Variants in FBN3 observed in about 807,000 individuals in gnomAD.
FBN3 encodes the protein fibrillin 3.
In FBN3, 234 loss-of-function variants were observed where a neutral mutation model predicts 330.1. That is an observed-to-expected ratio of 0.71 (90% confidence interval 0.64 to 0.79). FBN3 has a LOEUF of 0.79. Among genes scored for constraint, FBN3 ranks in the 30% least tolerant of loss-of-function variants. FBN3 has a pLI of 0.00. For missense variants in FBN3, 3,606 were observed against 3,886.9 expected (o/e 0.93, Z 1.92); for synonymous variants, 1,458 against 1,517.3 (o/e 0.96, Z 0.91).
Position 8,085,545 on chromosome 19 carries a change from G to C in FBN3, c.6905C>G (p.Ala2302Gly), listed in dbSNP as rs754124652. 1 of 1,580,346 alleles carries C rather than the reference G, an allele frequency of 6.3e-7. No homozygotes were observed. Among genetic ancestry groups the C allele is most frequent in the Non-Finnish European group, 8.6e-7 (1 of 1,164,082 alleles). ...CHDIRQGPCF[A>G]EVLQTMCRSL... ...CCGGCACATGGTCTGCAGCACCTCG[G>C]CAAAGCAGGGCCCCTGCCGGATGTC... Residue 2302 changes from alanine (A) to glycine (G), a missense_variant, in exon 56 of 64, where the codon GCC becomes GGC. Ala to Gly is a moderately conservative substitution (Grantham distance 60, BLOSUM62 0). Coordinates refer to ENST00000600128, the MANE Select transcript of FBN3 (RefSeq NM_032447.5).
chr19:8,102,872 A>C lies in FBN3; in HGVS notation c.4941T>G (p.Asp1647Glu). The C allele has an allele frequency of 6.2e-7, 1 of 1,614,110 alleles. No individual in the cohort carries two copies. ...GCCGGAAGCAGACACTCTTCCTCATATCTGTAGTTGGCACAAAGGAGAAGA... is the reference window on the plus strand; with the variant it reads ...GCCGGAAGCAGACACTCTTCCTCATCTCTGTAGTTGGCACAAAGGAGAAGA... Reference protein sequence around the residue: ...LQVNGGNNCMDMRKSVCFRHY... With the variant: ...LQVNGGNNCMEMRKSVCFRHY... The change falls in exon 40 of 64, where the codon GAT becomes GAG. Residue 1647 changes from aspartate to glutamate, a missense_variant and splice_region_variant. Transcript: ENST00000600128.
At chr19:8,143,570 C>T (rs1353705186) in intron 6 of FBN3, among the ~76,000 whole-genome samples, 1 of 143,692 alleles carries the variant, frequency 7.0e-6, no homozygotes, top group Non-Finnish European at 1.5e-5. Flanking sequence ...GATCTTGGCT[C>T]ACTGCCTCCC....
At chr19:8,133,481 C>T (rs543470694) in intron 13 of FBN3, among the ~76,000 whole-genome samples, 21 of 151,146 alleles carry the variant, frequency 1.4e-4, no homozygotes, top group African/African-American at 3.9e-4. Context: ...GACAGAGTCT[C>T]GCTCTGTCGC....
chr19:8,103,723 C>T, intron 38 of FBN3, 36 bp from the exon 39 acceptor site: 3 of 1,601,654 alleles, frequency 1.9e-6, no homozygotes, highest in Non-Finnish European at 1.7e-6. Context: ...GAACAGTGGG[C>T]AGCGTCCAGG....
In FBN3 at chr19:8,138,550, CGCCGGCCCGGTAGTCT is replaced by C. The variant is rs1568454072; in HGVS notation, c.866-2_879del. ...CCCCCGAAAAGCACTGAGAAGCAGG[CGCCGGCCCGGTAGTCT>C]GCAAAAGATCAGAGGGTGAGCCCAT... On this transcript the variant is annotated splice_acceptor_variant and coding_sequence_variant, in exon 9 of 64. Coordinates refer to ENST00000600128, the MANE Select transcript of FBN3 (RefSeq NM_032447.5). LOFTEE classifies it high-confidence loss of function. 1 of 1,609,408 alleles carries C rather than the reference CGCCGGCCCGGTAGTCT, an allele frequency of 6.2e-7. No individual in the cohort carries two copies. The highest frequency in any genetic ancestry group is 2.2e-5 in the East Asian group (1 of 44,818).
At position 8,131,188 on chromosome 19, in the gene FBN3, G is replaced by C. The variant is rs756184952; in HGVS notation, c.2044+47C>G. On this transcript the variant is annotated intron_variant, in intron 16 of 63. Coordinates refer to ENST00000600128, the MANE Select transcript of FBN3 (RefSeq NM_032447.5). The surrounding 1 kb of genome is among the most constrained non-coding windows in gnomAD (Gnocchi z 4.5). ...TCCCACCACAGCTCTCCCCACATCT[G>C]GTAGGGGCAGGCTGGCTGCTGTTTG... 2 of 1,570,322 alleles carry C rather than the reference G, an allele frequency of 1.3e-6. No individual in the cohort carries two copies. The highest frequency in any genetic ancestry group is 1.7e-6 in the Non-Finnish European group (2 of 1,153,578).
chr19:8,145,980 G>A (rs1245566781), intron 4 of FBN3, 42 bp from the exon 5 acceptor site: 1 of 1,513,888 alleles, frequency 6.6e-7, no homozygotes, highest in Non-Finnish European at 9.0e-7. Context: ...GTGGAGATGG[G>A]CCCCGAGATG....
intron 6 of FBN3, among the ~76,000 whole-genome samples, chr19:8,142,711 C>T (rs1599449066): frequency 6.6e-6 from 1 of 152,002 alleles, no homozygotes; most frequent in East Asian, 1.9e-4. Context: ...AAGGAGTTAG[C>T]TCTCAAACAA....
At chr19:8,135,936 G>GGGGGGGGGCGCC in intron 13 of FBN3, 25 bp downstream of exon 13, 1 of 668,778 alleles carries the variant, frequency 1.5e-6, no homozygotes, top group Non-Finnish European at 2.4e-6. Context: ...GGAAGCCCCT[G>GGGGGGGGGCGCC]CCCACCCGCC....
At position 8,096,604 on chromosome 19, in the gene FBN3, C is replaced by T. The variant is rs74176273; in HGVS notation, c.5414-35G>A. On this transcript the variant is annotated intron_variant, in intron 43 of 63. Coordinates refer to ENST00000600128, the MANE Select transcript of FBN3 (RefSeq NM_032447.5). The surrounding 1 kb of genome is among the most constrained non-coding windows in gnomAD (Gnocchi z 4.6). ...CAGAGAGCATGGTGTTCCCAGGGCT[C>T]CTACCACAGTGTTTGCCTGAGCTCT... 1 of 1,579,556 alleles carries T rather than the reference C, an allele frequency of 6.3e-7. No homozygotes were observed. The highest frequency in any genetic ancestry group is 1.1e-5 in the South Asian group (1 of 87,212).
chr19:8,093,793 AAAC>A (rs149928962), intron 47 of FBN3, among the ~76,000 whole-genome samples: 59,114 of 151,750 alleles, frequency 0.39, 12,721 homozygotes, highest in East Asian at 0.73. Flanking sequence ...AAACAAAACA[AAAC>A]AACAACAAAA....
At chr19:8,093,786 CA>C (rs1177175934) in intron 47 of FBN3, among the ~76,000 whole-genome samples, 3 of 127,158 alleles carry the variant, frequency 2.4e-5, no homozygotes, top group Non-Finnish European at 5.2e-5. Context: ...AACAAACAAA[CA>C]AAACAAAACA....
chr19:8,128,988 A>ATG, intron 18 of FBN3, 40 bp downstream of exon 18: 1 of 1,587,736 alleles, frequency 6.3e-7, no homozygotes. Flanking sequence ...GTTGGAGCAT[A>ATG]TGTGTGTGTG....
In FBN3 at chr19:8,121,531, G is replaced by A. The variant is rs1360766470; in HGVS notation, c.3083-145C>T. The A allele has an allele frequency of 5.5e-6, 4 of 725,156 alleles. No individual in the cohort carries two copies. The highest frequency in any genetic ancestry group is 4.2e-4 in the Middle Eastern group (1 of 2,390). 44.9% of individuals were successfully genotyped at this position (725,156 alleles called of 1,614,324 possible). ...AAGGAGGCACAGGCCAAGAGGGGAGGCATGATGCAGGCATGATGGGGTGCC... is the reference window on the plus strand; with the variant it reads ...AAGGAGGCACAGGCCAAGAGGGGAGACATGATGCAGGCATGATGGGGTGCC... On this transcript the variant is annotated intron_variant, in intron 24 of 63. Coordinates refer to ENST00000600128, the MANE Select transcript of FBN3 (RefSeq NM_032447.5). The surrounding 1 kb of genome is among the most constrained non-coding windows in gnomAD (Gnocchi z 4.5).
chr19:8,108,137 G>C, intron 37 of FBN3, 33 bp downstream of exon 37: 1 of 1,599,528 alleles, frequency 6.3e-7, no homozygotes, highest in Non-Finnish European at 8.5e-7. Context: ...TCTCTAGGCA[G>C]ACAGATGGAT....
In FBN3 at chr19:8,109,632, C is replaced by T; in HGVS notation, c.4455G>A (p.Val1485=). 6.3e-7 allele frequency: 1 copy of T among 1,592,968 alleles called. No homozygotes were observed. The highest frequency in any genetic ancestry group is 8.6e-7 in the Non-Finnish European group (1 of 1,169,198). The change falls in exon 35 of 64, where the codon GTG becomes GTA. Residue 1485 remains valine, a splice_region_variant and synonymous_variant. Coordinates refer to ENST00000600128, the MANE Select transcript of FBN3 (RefSeq NM_032447.5). The surrounding 1 kb of genome is among the most constrained non-coding windows in gnomAD (Gnocchi z 5.2). ...ATCTGGAGTTGAGCATGGACTCACCCACGCAGCCCACTCCGCTGGGGTTCA... is the reference window on the plus strand; with the variant it reads ...ATCTGGAGTTGAGCATGGACTCACCTACGCAGCCCACTCCGCTGGGGTTCA... ...FELNPSGVGC[V]DTRAGNCFLE...
rs1264078562 is a variant in FBN3, at chr19:8,091,521, A to G, written c.5975T>C (p.Phe1992Ser). 1 of 1,614,184 alleles carries G rather than the reference A, an allele frequency of 6.2e-7. No homozygotes were observed. Among genetic ancestry groups the G allele is most frequent in the Non-Finnish European group, 8.5e-7 (1 of 1,180,038 alleles). The change falls in exon 48 of 64, where the codon TTC becomes TCC. Residue 1992 changes from phenylalanine to serine, a missense_variant. Phe to Ser is a radical substitution (Grantham distance 155). Transcript: ENST00000600128. Reference protein sequence around the residue: ...FGTCTNSPGSFQCLCPPGFVL... With the variant: ...FGTCTNSPGSSQCLCPPGFVL... The stretch of plus-strand genomic sequence containing the variant: ...AAAGCCAGGTGGGCAGAGGCACTGG[A>G]AGCTCCCAGGGCTGTTGGTACAGGT...
intron 40 of FBN3, among the ~76,000 whole-genome samples, chr19:8,102,464 C>T (rs915025110): frequency 1.3e-4 from 20 of 152,028 alleles, no homozygotes; most frequent in African/African-American, 2.9e-4. Context: ...GTGATCCACC[C>T]GCCTCGGCCT....
At position 8,131,694 on chromosome 19, in the gene FBN3, C is replaced by A. The variant is rs765032668; in HGVS notation, c.1850G>T (p.Arg617Leu). ...CTCGATGGCCCCATAGCAGGTGCTGCGCACGTGGGTGTCCACGCACACGCG... is the reference window on the plus strand; with the variant it reads ...CTCGATGGCCCCATAGCAGGTGCTGAGCACGTGGGTGTCCACGCACACGCG... ...DGRVCVDTHV[R>L]STCYGAIEKG... The change falls in exon 15 of 64, where the codon CGC becomes CTC. Residue 617 changes from arginine (R) to leucine (L), a missense_variant. By Grantham distance (102) the Arg-to-Leu change is moderately radical. Transcript: ENST00000600128. This position sits in a 1 kb window ranked among gnomAD's most constrained non-coding sequence, Gnocchi z 4.5. The A allele has an allele frequency of 5.6e-6, 9 of 1,614,016 alleles. No individual in the cohort carries two copies. Among genetic ancestry groups the A allele is most frequent in the Non-Finnish European group, 7.6e-6 (9 of 1,180,022 alleles).
Sources: gnomAD v4.1 joint callset for allele counts (sites outside exome capture counted in the v4.1 genomes callset) on GRCh38, gnomAD v4.1.1 for gene constraint, Gnocchi (gnomAD v3.1) non-coding constraint, MANE v1.5 for transcripts, NCBI Gene and HGNC (gene_info 2026-07-23, HGNC 2026-07-21) for gene names.